The following B4GALT1 variants were observed in gnomAD, a reference collection of about 807,000 sequenced individuals.
B4GALT1 encodes N-acetyllactosamine synthase.
A neutral mutation model predicts 34.9 loss-of-function variants in B4GALT1; 16 were observed. That is an observed-to-expected ratio of 0.46 (90% confidence interval 0.31 to 0.70). B4GALT1 has a LOEUF of 0.70. B4GALT1 is among the 30% of genes least tolerant of loss of function. The probability of loss-of-function intolerance (pLI) is 0.05; values close to 1 mark genes in which losing one functional copy is unlikely to be tolerated. For synonymous variants in B4GALT1, 221 were observed against 218.1 expected (o/e 1.01, Z -0.12); for missense variants, 445 against 530.5 (o/e 0.84, Z 1.58).
chr9:33,174,914 G>A, the B4GALT1 span, among the ~76,000 whole-genome samples: 13 of 129,228 alleles, frequency 1.0e-4, no homozygotes, highest in South Asian at 7.9e-4. Flanking sequence ...CCAAGATCAC[G>A]CCACTGCACT....
At chr9:33,136,191 G>A (rs899939702) in intron 1 of B4GALT1, among the ~76,000 whole-genome samples, 8 of 152,100 alleles carry the variant, frequency 5.3e-5, no homozygotes, top group African/African-American at 1.9e-4. Flanking sequence ...AGGGAGGGAT[G>A]ACTCCCAAGT....
the B4GALT1 span, among the ~76,000 whole-genome samples, chr9:33,175,166 T>C: frequency 2.7e-5 from 4 of 149,260 alleles, no homozygotes; most frequent in Admixed American, 6.7e-5. Flanking sequence ...TTTTAAAAAT[T>C]ATCTGGACAT....
downstream of B4GALT1, among the ~76,000 whole-genome samples, chr9:33,108,307 C>CA (rs568249948): frequency 1.9e-3 from 288 of 151,904 alleles, no homozygotes; most frequent in Middle Eastern, 3.4e-3. Context: ...CTCTAAAAAA[C>CA]AAACAAATAA....
At chr9:33,146,423 T>C (rs1383558049) in intron 1 of B4GALT1, among the ~76,000 whole-genome samples, 1 of 152,266 alleles carries the variant, frequency 6.6e-6, no homozygotes, top group African/African-American at 2.4e-5. Flanking sequence ...TCTAGGCATC[T>C]GGCATTTTAT....
chr9:33,180,651 G>T, the B4GALT1 span, among the ~76,000 whole-genome samples: 276 of 152,162 alleles, frequency 1.8e-3, 1 homozygote, highest in African/African-American at 6.4e-3. Flanking sequence ...GAATAATTTC[G>T]ACACCATTCC....
intron 2 of B4GALT1, among the ~76,000 whole-genome samples, chr9:33,126,916 G>A (rs919376438): frequency 6.6e-6 from 1 of 152,144 alleles, no homozygotes; most frequent in Admixed American, 6.5e-5. Context: ...GATTCTGGGT[G>A]AAGTGAGCAC....
chr9:33,126,599 T>C (rs571553471), intron 2 of B4GALT1, among the ~76,000 whole-genome samples: 1 of 152,362 alleles, frequency 6.6e-6, no homozygotes, highest in South Asian at 2.1e-4. Context: ...TTGTTAAACA[T>C]TGTTAACTAT....
intron 4 of B4GALT1, among the ~76,000 whole-genome samples, chr9:33,114,288 G>C (rs1033511686): frequency 2.0e-5 from 3 of 152,248 alleles, no homozygotes; most frequent in African/African-American, 7.2e-5. Flanking sequence ...AGGATGAACA[G>C]GTATCTGCCA....
chr9:33,166,922 C>A lies in B4GALT1; in HGVS notation c.248G>T (p.Arg83Leu). Reference protein sequence around the residue: ...SSGELRTGGARPPPPLGASSQ... With the variant: ...SSGELRTGGALPPPPLGASSQ... Reference sequence around the variant, plus strand: ...GGAGGCGCCTAGAGGAGGCGGCGGCCGGGCCCCTCCGGTCCGGAGCTCCCC... The same window carrying A: ...GGAGGCGCCTAGAGGAGGCGGCGGCAGGGCCCCTCCGGTCCGGAGCTCCCC... Residue 83 changes from arginine to leucine, a missense_variant, in exon 1 of 6, where the codon CGG becomes CTG. This residue lies in a region of B4GALT1 where 349 missense variants were observed against 395.5 expected (regional missense o/e 0.88). Transcript: ENST00000379731. 6.4e-7 allele frequency: 1 copy of A among 1,570,358 alleles called. No individual in the cohort carries two copies. The highest frequency in any genetic ancestry group is 8.6e-7 in the Non-Finnish European group (1 of 1,165,188).
chr9:33,157,095 C>G (rs1038484129), intron 1 of B4GALT1, among the ~76,000 whole-genome samples: 9 of 140,710 alleles, frequency 6.4e-5, no homozygotes, highest in Non-Finnish European at 1.2e-4. Context: ...CACACACACA[C>G]ACACACGGTG....
chr9:33,160,849 T>G (rs965105294), intron 1 of B4GALT1, among the ~76,000 whole-genome samples: 1 of 152,192 alleles, frequency 6.6e-6, no homozygotes, highest in Admixed American at 6.5e-5. Flanking sequence ...TTCTTTTGGG[T>G]GATAGGAATT....
chr9:33,168,095 C>T (rs75408277), upstream of B4GALT1, among the ~76,000 whole-genome samples: 2 of 152,164 alleles, frequency 1.3e-5, no homozygotes, highest in African/African-American at 4.8e-5. Context: ...GGAGATCAGC[C>T]GGCGTTACAG....
chr9:33,149,223 G>GT (rs1840473218), intron 1 of B4GALT1, among the ~76,000 whole-genome samples: 1 of 151,244 alleles, frequency 6.6e-6, no homozygotes, highest in African/African-American at 2.4e-5. Flanking sequence ...GTGGATGAAA[G>GT]TTTGAGGAGT....
At position 33,130,297 on chromosome 9, in the gene B4GALT1, G is replaced by A. The variant is rs140447550; in HGVS notation, c.648+4892C>T. On this transcript the variant is annotated intron_variant, in intron 2 of 5. Coordinates refer to ENST00000379731, the MANE Select transcript of B4GALT1 (RefSeq NM_001497.4). ...TCACCTTGAGTGAAGTCTCGTTTCC[G>A]GGTTTGAGTATTAGGAAATGCAGCA... Among the ~76,000 whole-genome samples, 75 of 152,182 alleles carry A rather than the reference G, an allele frequency of 4.9e-4. 1 individual carries two copies. The Middle Eastern group carries it at 0.017, about 35-fold the overall frequency.
At chr9:33,121,557 A>G (rs2118061255) in intron 2 of B4GALT1, among the ~76,000 whole-genome samples, 1 of 145,322 alleles carries the variant, frequency 6.9e-6, no homozygotes, top group East Asian at 2.0e-4. Context: ...AATTTTCAGT[A>G]GAGATGGGTT....
chr9:33,184,680 G>A, the B4GALT1 span, among the ~76,000 whole-genome samples: 5 of 152,020 alleles, frequency 3.3e-5, no homozygotes, highest in South Asian at 2.1e-4. Context: ...ACAAGCTCTC[G>A]GGCAATACCA....
chr9:33,121,966 T>C (rs1049928609), intron 2 of B4GALT1, among the ~76,000 whole-genome samples: 1 of 152,076 alleles, frequency 6.6e-6, no homozygotes, highest in Non-Finnish European at 1.5e-5. Context: ...AGCACTGACA[T>C]TGCCACGCCT....
At chr9:33,140,366 G>C (rs1191047912) in intron 1 of B4GALT1, among the ~76,000 whole-genome samples, 3 of 152,238 alleles carry the variant, frequency 2.0e-5, no homozygotes, top group African/African-American at 7.2e-5. Context: ...TTAAACTAAA[G>C]GTAATCAAAG....
chr9:33,160,621 G>T (rs1840660101), intron 1 of B4GALT1, among the ~76,000 whole-genome samples: 1 of 152,098 alleles, frequency 6.6e-6, no homozygotes, highest in African/African-American at 2.4e-5. Context: ...ACAAAAATTA[G>T]TCAGGCATGG....
Sources: allele counts gnomAD v4.1 joint callset (sites outside exome capture counted in the v4.1 genomes callset), GRCh38; gene constraint gnomAD v4.1.1; regional missense constraint gnomAD v4.1.1; transcripts MANE v1.5; gene names NCBI Gene and HGNC (gene_info 2026-07-23, HGNC 2026-07-21).